The following KRT23 variants were observed in gnomAD, a reference collection of about 807,000 sequenced individuals.
The protein encoded by KRT23 is keratin, type I cytoskeletal 23.
KRT23 carries 38 observed loss-of-function variants against 47.6 expected under a neutral mutation model. That is an observed-to-expected ratio of 0.80 (90% CI 0.62 to 1.05). KRT23 has a LOEUF of 1.05. KRT23 is among the 50% of genes least tolerant of loss of function. The probability of loss-of-function intolerance (pLI) is 0.00; values close to 1 mark genes in which losing one functional copy is unlikely to be tolerated. For missense variants in KRT23, 503 were observed against 529.5 expected, an observed-to-expected ratio of 0.95 and a Z score of 0.49; for synonymous variants, 191 against 199.0, an observed-to-expected ratio of 0.96 and a Z score of 0.34.
chr17:40,923,138 T>C, intron 8 of KRT23, 55 bp from the exon 9 acceptor site: 1 of 1,334,400 alleles, frequency 7.5e-7, no homozygotes, highest in Admixed American at 1.7e-5. Flanking sequence ...CCATCTGAAC[T>C]GTACTCATTT....
chr17:40,932,956 A>G (rs1909800031), intron 2 of KRT23, among the ~76,000 whole-genome samples: 1 of 152,242 alleles, frequency 6.6e-6, no homozygotes, highest in South Asian at 2.1e-4. Flanking sequence ...TCATCCATAA[A>G]ATAGCAATAA....
chr17:40,923,448 G>C (rs1037272671), intron 8 of KRT23, among the ~76,000 whole-genome samples: 2 of 152,140 alleles, frequency 1.3e-5, no homozygotes, highest in Admixed American at 6.5e-5. Context: ...TGCTATTCAG[G>C]GTACCTCATT....
intron 8 of KRT23, 32 bp from the exon 9 acceptor site, chr17:40,923,115 C>A: frequency 6.8e-7 from 1 of 1,478,372 alleles, no homozygotes. Flanking sequence ...ATGTCACTGC[C>A]ATGCTTCTTC....
chr17:40,932,531 G>T (rs1055803762), intron 2 of KRT23, among the ~76,000 whole-genome samples: 1 of 152,120 alleles, frequency 6.6e-6, no homozygotes, highest in Admixed American at 6.5e-5. Context: ...CATCCATGTG[G>T]ATGCATCAGG....
Position 40,922,991 on chromosome 17 carries a change from A to G in KRT23, c.1267T>C (p.Ter423ArgextTer3). The change falls in exon 9 of 9, where the codon TGA becomes CGA. Residue 423 changes from the stop codon to arginine (R), a stop_lost. Transcript: ENST00000209718. Reference sequence around the variant, plus strand: ...ACAGGCGGAAACTTTCATTGGTCTCATGCGTGCTTTTGGATTTCATTCACT... The same window carrying G: ...ACAGGCGGAAACTTTCATTGGTCTCGTGCGTGCTTTTGGATTTCATTCACT... The part of the protein sequence containing the change: ...CQVNEIQKHA[*>R] 6.2e-7 allele frequency: 1 copy of G among 1,611,104 alleles called. No homozygotes were observed. The highest frequency in any genetic ancestry group is 8.5e-7 in the Non-Finnish European group (1 of 1,177,266).
Position 40,931,427 on chromosome 17 carries a change from T to C in KRT23, c.425A>G (p.Gln142Arg), listed in dbSNP as rs1305238081. 1.9e-6 allele frequency: 3 copies of C among 1,613,778 alleles called. No individual in the cohort carries two copies. Among genetic ancestry groups the C allele is most frequent in the Non-Finnish European group, 2.5e-6 (3 of 1,179,748 alleles). The change falls in exon 3 of 9, where the codon CAG becomes CGG. Residue 142 changes from glutamine (Q) to arginine (R), a missense_variant. By Grantham distance (43) the Gln-to-Arg change is conservative. Transcript: ENST00000209718. ...QIVDGKMTNAQIILLIDNARM... is the reference protein window; with the variant it reads ...QIVDGKMTNARIILLIDNARM... ...GGCATTGTCAATGAGAAGAATAATC[T>C]GAGCATTGGTCATCTTACCATCCAC...
intron 4 of KRT23, 182 bp downstream of exon 4, chr17:40,929,758 T>C: frequency 2.0e-6 from 1 of 506,310 alleles, no homozygotes; most frequent in East Asian, 3.0e-5. Context: ...GTATTTGACA[T>C]GTGACTAGCT....
At chr17:40,924,630 G>T in intron 7 of KRT23, 127 bp from the exon 8 acceptor site, 1 of 759,588 alleles carries the variant, frequency 1.3e-6, no homozygotes, top group Non-Finnish European at 2.2e-6. Flanking sequence ...AATTGTCTGA[G>T]CTTAGTAGTC....
At chr17:40,934,214 C>T (rs558782476) in intron 2 of KRT23, among the ~76,000 whole-genome samples, 29 of 152,316 alleles carry the variant, frequency 1.9e-4, no homozygotes, top group African/African-American at 7.0e-4. Context: ...GACCTCCTTG[C>T]ACCTCTGTTT....
chr17:40,936,768 C>T lies in KRT23; in HGVS notation c.-165G>A. 1 of 613,372 alleles carries T rather than the reference C, an allele frequency of 1.6e-6. No individual in the cohort carries two copies. Among genetic ancestry groups the T allele is most frequent in the Non-Finnish European group, 2.5e-6 (1 of 398,540 alleles). 38.0% of individuals were successfully genotyped at this position (613,372 alleles called of 1,614,324 possible). A position where few individuals can be genotyped will look rare whatever the true frequency, so the allele number is the denominator to read the frequency against. On this transcript the variant is annotated 5_prime_UTR_variant, in exon 2 of 9. Transcript: ENST00000209718. ...TTGTATCATTGTGCAACTTGTGTTT[C>T]CTCTTGGTCAATCCCAAAGTGCCCC...
At chr17:40,931,536 C>A in intron 2 of KRT23, 81 bp from the exon 3 acceptor site, 1 of 995,378 alleles carries the variant, frequency 1.0e-6, no homozygotes, top group South Asian at 1.3e-5. Context: ...TGTCCTCTAG[C>A]TTCCTGAATA....
intron 2 of KRT23, 71 bp from the exon 3 acceptor site, chr17:40,931,526 T>TG: frequency 9.2e-7 from 1 of 1,083,154 alleles, no homozygotes; most frequent in Non-Finnish European, 1.4e-6. Flanking sequence ...GCTGCATGTC[T>TG]GTCCTCTAGC....
At chr17:40,924,375 C>T (rs1016068895) in intron 8 of KRT23, 97 bp downstream of exon 8, 8 of 936,312 alleles carry the variant, frequency 8.5e-6, no homozygotes, top group Non-Finnish European at 1.4e-5. Context: ...GAACCCAGGA[C>T]ATTTGGGAGT....
At chr17:40,935,892 C>T (rs1438398269) in intron 2 of KRT23, among the ~76,000 whole-genome samples, 2 of 152,116 alleles carry the variant, frequency 1.3e-5, no homozygotes, top group Non-Finnish European at 2.9e-5. Flanking sequence ...CAGCTGGTTG[C>T]CTCACATTTT....
At position 40,928,617 on chromosome 17, in the gene KRT23, A is replaced by G. The variant is rs1302812934; in HGVS notation, c.637-10T>C. 1 of 1,608,964 alleles carries G rather than the reference A, an allele frequency of 6.2e-7. No homozygotes were observed. The highest frequency in any genetic ancestry group is 8.5e-7 in the Non-Finnish European group (1 of 1,178,760). ...GATGCTTCTCCATTTCCTATTTAAT[A>G]ACAGAGAAAGGAAATGAACCGGCTT... On this transcript the variant is annotated splice_polypyrimidine_tract_variant and intron_variant, in intron 4 of 8. Coordinates refer to ENST00000209718, the MANE Select transcript of KRT23 (RefSeq NM_015515.5).
At position 40,928,248 on chromosome 17, in the gene KRT23, T is replaced by G. The variant is rs766984524; in HGVS notation, c.911A>C (p.Gln304Pro). The change falls in exon 6 of 9, where the codon CAG becomes CCG. Residue 304 changes from glutamine to proline, a missense_variant. Physicochemically the swap from Gln to Pro is moderately conservative, Grantham distance 76. Transcript: ENST00000209718. Reference sequence around the variant, plus strand: ...CTAGCCTTGACTCACCGTGCTGTACTGTGTCTGCAGGTCAATCTCCAGGGC... The same window carrying G: ...CTAGCCTTGACTCACCGTGCTGTACGGTGTCTGCAGGTCAATCTCCAGGGC... Reference protein sequence around the residue: ...FQALEIDLQTQYSTKSALENM... With the variant: ...FQALEIDLQTPYSTKSALENM... 6.2e-7 allele frequency: 1 copy of G among 1,614,068 alleles called. No individual in the cohort carries two copies. The highest frequency in any genetic ancestry group is 1.3e-5 in the African/African-American group (1 of 74,938).
intron 2 of KRT23, among the ~76,000 whole-genome samples, chr17:40,932,062 T>C (rs1320661002): frequency 6.6e-6 from 1 of 152,248 alleles, no homozygotes; most frequent in Non-Finnish European, 1.5e-5. Context: ...TATTTTGTAA[T>C]AGTCATCACA....
chr17:40,936,340 C>T lies in KRT23; in HGVS notation c.264G>A (p.Glu88=), dbSNP rs777960572. 1.2e-6 allele frequency: 2 copies of T among 1,614,256 alleles called. No individual in the cohort carries two copies. Among genetic ancestry groups the T allele is most frequent in the Non-Finnish European group, 8.5e-7 (1 of 1,180,040 alleles). The part of the protein sequence containing the change: ...NLNDRLASYL[E]KVRALEEANM... Reference sequence around the variant, plus strand: ...TGGCCTCCTCCAGGGCGCGAACCTTCTCCAGGTAGGAGGCCAGGCGGTCGT... The same window carrying T: ...TGGCCTCCTCCAGGGCGCGAACCTTTTCCAGGTAGGAGGCCAGGCGGTCGT... Residue 88 remains glutamate, a synonymous_variant, in exon 2 of 9, where the codon GAG becomes GAA. Coordinates refer to ENST00000209718, the MANE Select transcript of KRT23 (RefSeq NM_015515.5).
chr17:40,924,738 C>G (rs1597873832), intron 7 of KRT23, among the ~76,000 whole-genome samples: 1 of 152,300 alleles, frequency 6.6e-6, no homozygotes, highest in African/African-American at 2.4e-5. Context: ...CACCAACCAT[C>G]CCCTCCTTTC....
Sources: allele counts gnomAD v4.1 joint callset (sites outside exome capture counted in the v4.1 genomes callset), GRCh38; gene constraint gnomAD v4.1.1; transcripts MANE v1.5; gene names NCBI Gene and HGNC (gene_info 2026-07-23, HGNC 2026-07-21).